The following MAP4K3 variants were observed in gnomAD, a reference collection of about 807,000 sequenced individuals.
MAP4K3 encodes the protein mitogen-activated protein kinase kinase kinase kinase 3, also known as MAPK/ERK kinase kinase kinase 3.
In MAP4K3, 94 loss-of-function variants were observed where a neutral mutation model predicts 143.5. That is an observed-to-expected ratio of 0.65 (90% CI 0.55 to 0.78). The LOEUF (loss-of-function observed/expected upper bound fraction) is 0.78. Among genes scored for constraint, MAP4K3 ranks in the 30% least tolerant of loss-of-function variants. MAP4K3 has a pLI of 0.00. For missense variants in MAP4K3, 1,077 were observed against 1,068.1 expected (o/e 1.01, Z -0.12); for synonymous variants, 416 against 347.2 (o/e 1.20, Z -2.20).
At chr2:39,364,045 AC>A (rs1665849265) in intron 2 of MAP4K3, among the ~76,000 whole-genome samples, 1 of 151,790 alleles carries the variant, frequency 6.6e-6, no homozygotes, top group Non-Finnish European at 1.5e-5. Flanking sequence ...GGATATGAAT[AC>A]CCCCGTCCAC....
At chr2:39,278,722 C>T (rs1033089851) in intron 23 of MAP4K3, among the ~76,000 whole-genome samples, 6 of 152,148 alleles carry the variant, frequency 3.9e-5, no homozygotes, top group African/African-American at 1.4e-4. Context: ...TGAAGAGTGG[C>T]ATAGTAGATT....
chr2:39,432,669 T>C (rs1286463797), intron 1 of MAP4K3, among the ~76,000 whole-genome samples: 1 of 152,236 alleles, frequency 6.6e-6, no homozygotes, highest in East Asian at 1.9e-4. Context: ...ATGGAAGAAT[T>C]AGTCTATGAT....
At chr2:39,403,596 C>T (rs183782628) in intron 1 of MAP4K3, among the ~76,000 whole-genome samples, 4 of 152,192 alleles carry the variant, frequency 2.6e-5, no homozygotes, top group African/African-American at 7.2e-5. Flanking sequence ...TGAGTTCTGG[C>T]AAGCCTCCCC....
intron 3 of MAP4K3, among the ~76,000 whole-genome samples, chr2:39,350,354 T>C (rs1342378275): frequency 1.3e-5 from 2 of 152,188 alleles, no homozygotes; most frequent in Admixed American, 6.5e-5. Context: ...AAGTGTGCCA[T>C]GGCTGCGTTA....
chr2:39,285,149 C>A (rs537785258), intron 21 of MAP4K3, among the ~76,000 whole-genome samples: 1 of 152,252 alleles, frequency 6.6e-6, no homozygotes, highest in African/African-American at 2.4e-5. Flanking sequence ...GCCTTTTCCA[C>A]TGAAAGCACT....
intron 1 of MAP4K3, among the ~76,000 whole-genome samples, 172 bp from the exon 2 acceptor site, chr2:39,378,295 T>A (rs72929170): frequency 0.028 from 4,313 of 152,292 alleles, 213 homozygotes; most frequent in African/African-American, 0.099. Flanking sequence ...TTTCAACATT[T>A]ATGTATAAAT....
At chr2:39,430,945 T>C (rs78613057) in intron 1 of MAP4K3, among the ~76,000 whole-genome samples, 7,063 of 152,278 alleles carry the variant, frequency 0.046, 191 homozygotes, top group African/African-American at 0.054. Context: ...CATGTAGCCA[T>C]GGTTTGTTCC....
chr2:39,332,881 G>C (rs921900838), intron 7 of MAP4K3, among the ~76,000 whole-genome samples: 4 of 151,268 alleles, frequency 2.6e-5, no homozygotes, highest in African/African-American at 9.7e-5. Context: ...TTTTAATTTG[G>C]GTTTATCTAA....
intron 1 of MAP4K3, among the ~76,000 whole-genome samples, chr2:39,427,987 T>C (rs1665148430): frequency 6.6e-6 from 1 of 152,190 alleles, no homozygotes. Flanking sequence ...ACTTCACAGT[T>C]CTCCACAATC....
rs1047131437 is a variant in MAP4K3 at position 39,377,989 on chromosome 2, C to T, written c.154+77G>A. 5 of 875,506 alleles carry T rather than the reference C, an allele frequency of 5.7e-6. No homozygotes were observed. In the African/African-American group the frequency reaches 6.9e-5, roughly 12 times the overall value. 54.2% of individuals were successfully genotyped at this position (875,506 alleles called of 1,614,324 possible). On this transcript the variant is annotated intron_variant, in intron 2 of 33. Transcript: ENST00000263881. ...TTGGGGAAAACAAGAGAATGTTAACCAAACATCATTAAAATAAGCCTTAAG... is the reference window on the plus strand; with the variant it reads ...TTGGGGAAAACAAGAGAATGTTAACTAAACATCATTAAAATAAGCCTTAAG...
At chr2:39,365,036 A>G (rs1400882247) in intron 2 of MAP4K3, among the ~76,000 whole-genome samples, 1 of 152,196 alleles carries the variant, frequency 6.6e-6, no homozygotes, top group African/African-American at 2.4e-5. Context: ...TGAATCCTCT[A>G]TAGAATACAG....
chr2:39,370,777 T>A (rs1573209623), intron 2 of MAP4K3, among the ~76,000 whole-genome samples: 1 of 152,222 alleles, frequency 6.6e-6, no homozygotes, highest in African/African-American at 2.4e-5. Context: ...TGCTACCTAA[T>A]GAATCACTGT....
At chr2:39,376,313 A>G (rs1666216950) in intron 2 of MAP4K3, among the ~76,000 whole-genome samples, 1 of 152,216 alleles carries the variant, frequency 6.6e-6, no homozygotes, top group Admixed American at 6.5e-5. Flanking sequence ...GCTGTAATAG[A>G]GGAAACATAT....
In MAP4K3 at chr2:39,340,198, T is replaced by C. The variant is rs561968435; in HGVS notation, c.311-2617A>G. ...ATACTCTCTCTATATAATGACAATG[T>C]GATAAAAAAGAGGCAGAAGAGAGAG... On this transcript the variant is annotated intron_variant, in intron 4 of 33. Coordinates refer to ENST00000263881, the MANE Select transcript of MAP4K3 (RefSeq NM_003618.4). Among the ~76,000 whole-genome samples, 7 of 152,190 alleles carry C rather than the reference T, an allele frequency of 4.6e-5. No homozygotes were observed. The South Asian group carries it at 1.5e-3, about 32-fold the overall frequency.
intron 24 of MAP4K3, among the ~76,000 whole-genome samples, chr2:39,277,653 C>T (rs1457673754): frequency 6.6e-6 from 1 of 152,032 alleles, no homozygotes; most frequent in Non-Finnish European, 1.5e-5. Flanking sequence ...TAACCTCCTC[C>T]TCCCGGGTTC....
At chr2:39,423,111 A>T (rs892509882) in intron 1 of MAP4K3, among the ~76,000 whole-genome samples, 1 of 152,216 alleles carries the variant, frequency 6.6e-6, no homozygotes, top group Non-Finnish European at 1.5e-5. Context: ...AAAGGGAAAA[A>T]ATCTTAACAG....
intron 23 of MAP4K3, among the ~76,000 whole-genome samples, chr2:39,279,307 T>C (rs74486317): frequency 0.011 from 1,700 of 152,260 alleles, 14 homozygotes; most frequent in Middle Eastern, 0.034. Flanking sequence ...GGCATAAGAT[T>C]TGTGGTCAGA....
At chr2:39,430,058 T>C (rs1269835483) in intron 1 of MAP4K3, among the ~76,000 whole-genome samples, 1 of 152,204 alleles carries the variant, frequency 6.6e-6, no homozygotes, top group Non-Finnish European at 1.5e-5. Flanking sequence ...GGGGCATGTA[T>C]TAATCTGTTC....
At chr2:39,382,279 G>C (rs1218754240) in intron 1 of MAP4K3, among the ~76,000 whole-genome samples, 1 of 152,202 alleles carries the variant, frequency 6.6e-6, no homozygotes, top group Non-Finnish European at 1.5e-5. Flanking sequence ...ACAATATAAA[G>C]TGGGTTAGAA....
Sources: allele counts gnomAD v4.1 joint callset (sites outside exome capture counted in the v4.1 genomes callset), GRCh38; gene constraint gnomAD v4.1.1; transcripts MANE v1.5; gene names NCBI Gene and HGNC (gene_info 2026-07-23, HGNC 2026-07-21).